The following NFATC1 variants were observed in gnomAD, a reference collection of about 807,000 sequenced individuals.
NFATC1 encodes the protein nuclear factor of activated T-cells, cytoplasmic 1.
Under a neutral mutation model 76.0 loss-of-function variants are expected in NFATC1, and 22 were observed. The observed-to-expected ratio is 0.29, with a 90% CI of 0.21 to 0.41. NFATC1 has a LOEUF of 0.41. Ranked by LOEUF, NFATC1 falls within the 10% of genes least tolerant of loss-of-function variation. The pLI is 1.00. For synonymous variants in NFATC1, 704 were observed against 613.1 expected (o/e 1.15, Z -2.19); for missense variants, 1,357 against 1,337.7 (o/e 1.01, Z -0.23).
chr18:79,428,295 T>G (rs961265316), intron 2 of NFATC1, among the ~76,000 whole-genome samples: 2 of 152,222 alleles, frequency 1.3e-5, no homozygotes, highest in African/African-American at 4.8e-5. Flanking sequence ...GTATATAATG[T>G]GTTGTTTTCA....
chr18:79,399,546 CTCAG>C (rs1258366305), intron 1 of NFATC1, among the ~76,000 whole-genome samples: 1 of 152,270 alleles, frequency 6.6e-6, no homozygotes, highest in Non-Finnish European at 1.5e-5. Context: ...CCAGGGCGGC[CTCAG>C]CTAAGCAGCC....
At chr18:79,487,932 G>A (rs927159712) in intron 9 of NFATC1, among the ~76,000 whole-genome samples, 1 of 152,196 alleles carries the variant, frequency 6.6e-6, no homozygotes, top group Non-Finnish European at 1.5e-5. Flanking sequence ...CGGAGGCACA[G>A]TGAGTCCTCC....
At chr18:79,476,429 C>T (rs1036255030) in intron 8 of NFATC1, among the ~76,000 whole-genome samples, 8 of 152,346 alleles carry the variant, frequency 5.3e-5, no homozygotes, top group East Asian at 1.9e-4. Context: ...TCTGTGGGAG[C>T]GTCCTTTGTC....
intron 9 of NFATC1, among the ~76,000 whole-genome samples, chr18:79,510,882 C>T (rs1404349050): frequency 3.3e-5 from 5 of 151,660 alleles, no homozygotes; most frequent in South Asian, 2.1e-4. Context: ...CATCTTCCGC[C>T]GGGGCATCCT....
At chr18:79,427,575 G>T in intron 2 of NFATC1, among the ~76,000 whole-genome samples, 1 of 131,758 alleles carries the variant, frequency 7.6e-6, no homozygotes, top group Non-Finnish European at 1.6e-5. Flanking sequence ...CAGTGGGTCG[G>T]GGGGAGCTGG....
intron 9 of NFATC1, among the ~76,000 whole-genome samples, chr18:79,490,261 G>C (rs1303871057): frequency 6.6e-6 from 1 of 152,196 alleles, no homozygotes; most frequent in East Asian, 1.9e-4. Context: ...GCCCGGCTCT[G>C]GGTTAGGGTG....
chr18:79,430,264 G>A (rs183979049), intron 2 of NFATC1, among the ~76,000 whole-genome samples: 4 of 152,192 alleles, frequency 2.6e-5, no homozygotes, highest in Non-Finnish European at 4.4e-5. Flanking sequence ...GACCAGCGGT[G>A]GGGGGAGGCG....
chr18:79,460,690 C>G (rs2088019413), intron 6 of NFATC1, among the ~76,000 whole-genome samples: 1 of 152,236 alleles, frequency 6.6e-6, no homozygotes. Flanking sequence ...CCAGTGGTTC[C>G]TTTGCACACA....
intron 2 of NFATC1, among the ~76,000 whole-genome samples, chr18:79,432,043 G>A (rs2086608227): frequency 6.6e-6 from 1 of 152,252 alleles, no homozygotes; most frequent in Admixed American, 6.5e-5. Flanking sequence ...AGTGTGTCCT[G>A]AGGTGTGGGG....
intron 6 of NFATC1, among the ~76,000 whole-genome samples, chr18:79,454,321 A>C (rs1051392367): frequency 6.6e-6 from 1 of 152,210 alleles, no homozygotes; most frequent in Non-Finnish European, 1.5e-5. Flanking sequence ...TGTCCAGGCC[A>C]GCTCAGCCTC....
At chr18:79,469,818 A>C (rs1341629069) in intron 8 of NFATC1, 2 of 984,624 alleles carry the variant, frequency 2.0e-6, no homozygotes, top group African/African-American at 3.5e-5. Flanking sequence ...GACCAGCCCC[A>C]CCAGCCCCCA....
chr18:79,483,125 T>C (rs1308780258), intron 8 of NFATC1, among the ~76,000 whole-genome samples: 9 of 90,122 alleles, frequency 1.0e-4, no homozygotes, highest in African/African-American at 2.2e-4. Context: ...TGGGGTGTAA[T>C]TCCAGCGTGA....
At chr18:79,505,285 C>T (rs377439373) in intron 9 of NFATC1, among the ~76,000 whole-genome samples, 10 of 1,416 alleles carry the variant, frequency 7.1e-3, no homozygotes, top group Admixed American at 8.1e-3. Flanking sequence ...GAGACTGCTG[C>T]GTGGGAGGAG....
At chr18:79,515,802 T>C (rs2090368323) in intron 9 of NFATC1, 1 of 152,102 alleles carries the variant, frequency 6.6e-6, no homozygotes, top group African/African-American at 2.4e-5. Context: ...TAAAAGGAGC[T>C]TTAACATTTT....
At chr18:79,399,006 G>A (rs1245407649) in intron 1 of NFATC1, among the ~76,000 whole-genome samples, 2 of 152,272 alleles carry the variant, frequency 1.3e-5, no homozygotes, top group Non-Finnish European at 2.9e-5. Flanking sequence ...GGCGGAGGTT[G>A]CAGTGAGCAG....
Position 79,412,515 on chromosome 18 carries a change from C to T in NFATC1, c.1226+1014C>T, listed in dbSNP as rs1377303508. 4.6e-5 allele frequency among the ~76,000 whole-genome samples: 7 copies of T among 151,694 alleles called. No homozygotes were observed. In the South Asian group the frequency reaches 6.2e-4, roughly 13 times the overall value. On this transcript the variant is annotated intron_variant, in intron 2 of 9. Transcript: ENST00000427363. ...ACTCAGGGGGCGAGACCCCGCAGAG[C>T]GGAGGGCAGGTGCAGCCCCCATGCC...
At position 79,410,473 on chromosome 18, in the gene NFATC1, G is replaced by A. The variant is rs761331117; in HGVS notation, c.198G>A (p.Pro66=). The A allele has an allele frequency of 6.2e-6, 10 of 1,612,048 alleles. No homozygotes were observed. Among genetic ancestry groups the A allele is most frequent in the South Asian group, 1.1e-5 (1 of 91,058 alleles). ...TCCCCACGGCGCACTCCACCCTGCC[G>A]GCCCCGTGCCACAACCTTCAGACCT... ...LPLPTAHSTL[P]APCHNLQTST... is the part of the protein sequence containing the mutation. The change falls in exon 2 of 10, where the codon CCG becomes CCA. Residue 66 remains proline (P), a synonymous_variant. Transcript: ENST00000427363. This position sits in a 1 kb window ranked among gnomAD's most constrained non-coding sequence, Gnocchi z 6.7.
At position 79,461,300 on chromosome 18, in the gene NFATC1, C is replaced by T. The variant is rs375519011; in HGVS notation, c.1904-11C>T. Reference sequence around the variant, plus strand: ...ACAGAGTCACAGACGTTTCCTGCTCCTTTCTTCCAGATGGCCACCATGTCT... The same window carrying T: ...ACAGAGTCACAGACGTTTCCTGCTCTTTTCTTCCAGATGGCCACCATGTCT... On this transcript the variant is annotated splice_polypyrimidine_tract_variant and intron_variant, in intron 6 of 9. Coordinates refer to ENST00000427363, the MANE Select transcript of NFATC1 (RefSeq NM_001278669.2). The T allele has an allele frequency of 2.1e-5, 34 of 1,614,000 alleles. No homozygotes were observed. The highest frequency in any genetic ancestry group is 2.7e-5 in the Non-Finnish European group (32 of 1,179,996).
intron 9 of NFATC1, among the ~76,000 whole-genome samples, chr18:79,519,958 G>C (rs62096924): frequency 2.0e-5 from 3 of 152,166 alleles, no homozygotes; most frequent in Non-Finnish European, 2.9e-5. Context: ...CTGGACGGGC[G>C]AGATAAGTGG....
Sources: allele counts gnomAD v4.1 joint callset (sites outside exome capture counted in the v4.1 genomes callset), GRCh38; gene constraint gnomAD v4.1.1; non-coding constraint Gnocchi (gnomAD v3.1); transcripts MANE v1.5; gene names NCBI Gene and HGNC (gene_info 2026-07-23, HGNC 2026-07-21).